The following ZIC5 variants were observed in gnomAD, a reference collection of about 807,000 sequenced individuals.
ZIC5 encodes zinc finger protein ZIC 5.
A neutral mutation model predicts 28.5 loss-of-function variants in ZIC5; 20 were observed. That is an observed-to-expected ratio of 0.70 (90% confidence interval 0.49 to 1.02). ZIC5 has a LOEUF of 1.02. Among genes scored for constraint, ZIC5 ranks in the 50% least tolerant of loss-of-function variants. The pLI, the probability that ZIC5 is intolerant of heterozygous loss-of-function variation, is 0.00. For synonymous variants in ZIC5, 488 were observed against 410.4 expected (o/e 1.19, Z -2.29); for missense variants, 951 against 899.7 (o/e 1.06, Z -0.73).
intron 1 of ZIC5, among the ~76,000 whole-genome samples, chr13:99,969,122 G>T (rs759640344): frequency 1.3e-5 from 2 of 152,236 alleles, no homozygotes; most frequent in Non-Finnish European, 1.5e-5. Flanking sequence ...GCTCAAAGGG[G>T]GCACACGACC....
intron 1 of ZIC5, among the ~76,000 whole-genome samples, chr13:99,968,603 C>A (rs1014900021): frequency 1.3e-5 from 2 of 152,072 alleles, no homozygotes; most frequent in Non-Finnish European, 2.9e-5. Context: ...CGGGAAGGGC[C>A]CTAGGCCGCG....
At position 99,971,398 on chromosome 13, in the gene ZIC5, G is replaced by C; in HGVS notation, c.206C>G (p.Pro69Arg). The change falls in exon 1 of 2, where the codon CCC (proline) becomes CGC (arginine). Residue 69 changes from proline (P) to arginine (R), a missense_variant. Coordinates refer to ENST00000267294, the MANE Select transcript of ZIC5 (RefSeq NM_033132.5). ...DPGVATTPLG[P>R]EHMAQASTLG... ...CGTGCTCGCCTGGGCCATGTGCTCG[G>C]GTCCGAGCGGAGTGGTGGCCACGCC... 1 of 1,518,290 alleles carries C rather than the reference G, an allele frequency of 6.6e-7. No individual in the cohort carries two copies. Among genetic ancestry groups the C allele is most frequent in the Non-Finnish European group, 8.8e-7 (1 of 1,138,786 alleles). 94.1% of individuals were successfully genotyped at this position (1,518,290 alleles called of 1,614,324 possible). A position where few individuals can be genotyped will look rare whatever the true frequency, so the allele number is the denominator to read the frequency against.
At chr13:99,969,654 A>G (rs1254567098) in intron 1 of ZIC5, among the ~76,000 whole-genome samples, 1 of 151,646 alleles carries the variant, frequency 6.6e-6, no homozygotes, top group Non-Finnish European at 1.5e-5. Flanking sequence ...CGGAGCGCGG[A>G]GACTGCGCGG....
upstream of ZIC5, chr13:99,971,857 C>T (rs1006888302): frequency 3.4e-5 from 25 of 738,142 alleles, no homozygotes; most frequent in Middle Eastern, 3.5e-4. Context: ...GCAGTAGCCT[C>T]GGCTGCTCGA....
Position 99,970,940 on chromosome 13 carries a change from C to A in ZIC5, c.664G>T (p.Gly222Cys), listed in dbSNP as rs1162020137. ...HSAGMFISAS[G>C]TYAGPDGSGG... ...CTGCCGTCCGGGCCCGCGTAGGTGC[C>A]GCTGGCGGAGATGAACATGCCGGCC... Residue 222 changes from glycine to cysteine, a missense_variant, in exon 1 of 2, where the codon GGC becomes TGC. Transcript: ENST00000267294. 7.2e-7 allele frequency: 1 copy of A among 1,392,874 alleles called. No individual in the cohort carries two copies. The highest frequency in any genetic ancestry group is 9.2e-7 in the Non-Finnish European group (1 of 1,084,544). 86.3% of individuals were successfully genotyped at this position (1,392,874 alleles called of 1,614,324 possible). A position where few individuals can be genotyped will look rare whatever the true frequency, so the allele number is the denominator to read the frequency against.
Position 99,965,830 on chromosome 13 carries a change from A to G in ZIC5, c.1478-11T>C, listed in dbSNP as rs763599238. On this transcript the variant is annotated splice_polypyrimidine_tract_variant and intron_variant, in intron 1 of 1. Coordinates refer to ENST00000267294, the MANE Select transcript of ZIC5 (RefSeq NM_033132.5). ...TGAAAGGCTTTTCCCCTGCAAGGAA[A>G]CACAGGAAAGGTCAACAATGGCTTT... 3 of 1,604,934 alleles carry G rather than the reference A, an allele frequency of 1.9e-6. No homozygotes were observed. The highest frequency in any genetic ancestry group is 1.1e-5 in the South Asian group (1 of 89,424).
upstream of ZIC5, chr13:99,971,908 C>T (rs1175041288): frequency 4.6e-5 from 26 of 569,074 alleles, no homozygotes; most frequent in East Asian, 8.0e-4. Flanking sequence ...GGGATTCGCC[C>T]CCGTGCTTGC....
chr13:99,967,823 G>A (rs2053111545), intron 1 of ZIC5, among the ~76,000 whole-genome samples: 1 of 152,232 alleles, frequency 6.6e-6, no homozygotes, highest in South Asian at 2.1e-4. Flanking sequence ...GGAAAGGCCT[G>A]TGTTGTTCAG....
upstream of ZIC5, chr13:99,971,897 G>A (rs2053164570): frequency 5.0e-6 from 3 of 597,592 alleles, no homozygotes; most frequent in Non-Finnish European, 5.7e-6. Context: ...TCGACCCAGC[G>A]GGGATTCGCC....
Position 99,965,004 on chromosome 13 carries a change from AT to A in ZIC5, c.*372del, listed in dbSNP as rs960066895. On this transcript the variant is annotated 3_prime_UTR_variant, in exon 2 of 2. Coordinates refer to ENST00000267294, the MANE Select transcript of ZIC5 (RefSeq NM_033132.5). Reference sequence around the variant, plus strand: ...TCTTTTTCTCCCCCTTTTAAAAAAAATAATATATATATATATGTATATATAT... The same window carrying A: ...TCTTTTTCTCCCCCTTTTAAAAAAAAAATATATATATATATGTATATATAT... 3.0e-5 allele frequency: 4 copies of A among 133,054 alleles called. No individual in the cohort carries two copies. The highest frequency in any genetic ancestry group is 1.5e-4 in the Admixed American group (2 of 13,398). The allele number at this position is 133,054 out of a possible 1,614,324, so 8.2% of individuals were successfully genotyped here. A position where few individuals can be genotyped will look rare whatever the true frequency, so the allele number is the denominator to read the frequency against.
In ZIC5 at chr13:99,970,447, GGCA is replaced by G. The variant is rs756859915; in HGVS notation, c.1154_1156del (p.Leu385del). On this transcript the variant is annotated inframe_deletion, in exon 1 of 2. Coordinates refer to ENST00000267294, the MANE Select transcript of ZIC5 (RefSeq NM_033132.5). ...CGGCGGCGGCGGCGGCGGCGGCGGCGGCAGCCCGGCCAGCTCGTCGGGGTCGAT... is the reference window on the plus strand; with the variant it reads ...CGGCGGCGGCGGCGGCGGCGGCGGCGGCCCGGCCAGCTCGTCGGGGTCGAT... The G allele has an allele frequency of 2.9e-6, 3 of 1,040,420 alleles. No individual in the cohort carries two copies. Among genetic ancestry groups the G allele is most frequent in the Admixed American group, 1.1e-4 (2 of 17,866 alleles). The allele number at this position is 1,040,420 out of a possible 1,614,324, so 64.4% of individuals were successfully genotyped here. A position where few individuals can be genotyped will look rare whatever the true frequency, so the allele number is the denominator to read the frequency against.
rs753052275 is a variant in ZIC5, at chr13:99,970,167, C to T, written c.1437G>A (p.Ala479=). 4 of 1,611,328 alleles carry T rather than the reference C, an allele frequency of 2.5e-6. No homozygotes were observed. The highest frequency in any genetic ancestry group is 3.4e-6 in the Non-Finnish European group (4 of 1,179,144). ...TGTGGATCTTGAGGTTCTCGGAGCG[C>T]GCGAAGACCTTGCCGCAGCCGGGGA... ...CPFPGCGKVF[A]RSENLKIHKR... Residue 479 remains alanine, a synonymous_variant, in exon 1 of 2, where the codon GCG becomes GCA. Transcript: ENST00000267294.
At position 99,970,660 on chromosome 13, in the gene ZIC5, G is replaced by T; in HGVS notation, c.944C>A (p.Ala315Glu). The part of the protein sequence containing the change: ...AVNLNLNLAA[A>E]AAAAAAGPGP... The stretch of plus-strand genomic sequence containing the variant: ...GGGCCCGGCCGCTGCTGCGGCCGCC[G>T]CAGCCGCCAGGTTCAGGTTTAAGTT... The change falls in exon 1 of 2, where the codon GCG becomes GAG. Residue 315 changes from alanine to glutamate, a missense_variant. Ala to Glu is a moderately radical substitution (Grantham distance 107). Coordinates refer to ENST00000267294, the MANE Select transcript of ZIC5 (RefSeq NM_033132.5). 2 of 1,148,666 alleles carry T rather than the reference G, an allele frequency of 1.7e-6. No individual in the cohort carries two copies. The highest frequency in any genetic ancestry group is 2.2e-6 in the Non-Finnish European group (2 of 927,946). 71.2% of individuals were successfully genotyped at this position (1,148,666 alleles called of 1,614,324 possible). A position where few individuals can be genotyped will look rare whatever the true frequency, so the allele number is the denominator to read the frequency against.
intron 1 of ZIC5, among the ~76,000 whole-genome samples, chr13:99,966,659 G>C (rs1225671554): frequency 6.6e-6 from 1 of 152,084 alleles, no homozygotes; most frequent in Non-Finnish European, 1.5e-5. Flanking sequence ...TACTCTCACA[G>C]CTCCCTACAT....
Position 99,970,785 on chromosome 13 carries a change from G to A in ZIC5, c.819C>T (p.Tyr273=). The A allele has an allele frequency of 1.7e-6, 2 of 1,193,068 alleles. No individual in the cohort carries two copies. Among genetic ancestry groups the A allele is most frequent in the East Asian group, 4.0e-5 (1 of 25,306 alleles). The allele number at this position is 1,193,068 out of a possible 1,614,324, so 73.9% of individuals were successfully genotyped here. The part of the protein sequence containing the change: ...AAAAAAAAEL[Y]GRAEPPFAPR... ...GCGCGAAGGGCGGTTCGGCGCGGCCGTACAGCTCAGCCGCCGCGGCTGCCG... is the reference window on the plus strand; with the variant it reads ...GCGCGAAGGGCGGTTCGGCGCGGCCATACAGCTCAGCCGCCGCGGCTGCCG... The change falls in exon 1 of 2, where the codon TAC becomes TAT. Residue 273 remains tyrosine, a synonymous_variant. Transcript: ENST00000267294.
At position 99,970,020 on chromosome 13, in the gene ZIC5, G is replaced by A. The variant is rs2053135231; in HGVS notation, c.1477+107C>T. 1.2e-5 allele frequency: 19 copies of A among 1,540,246 alleles called. 1 individual carries two copies. In the South Asian group the frequency reaches 2.1e-4, roughly 17 times the overall value. On this transcript the variant is annotated intron_variant, in intron 1 of 1. Coordinates refer to ENST00000267294, the MANE Select transcript of ZIC5 (RefSeq NM_033132.5). ...TATGCGAAGAGAAGCAGCAGAAGGA[G>A]AAAAAAATTAAGGCGAGCAGGAGGA...
At chr13:99,968,451 G>C (rs1246883335) in intron 1 of ZIC5, among the ~76,000 whole-genome samples, 1 of 151,974 alleles carries the variant, frequency 6.6e-6, no homozygotes, top group African/African-American at 2.4e-5. Context: ...CCGACCCCAC[G>C]CACGCGCGCG....
chr13:99,971,050 G>C lies in ZIC5; in HGVS notation c.554C>G (p.Ala185Gly). ...LRRDLSATAPAAAMHGAPLGG... is the reference protein window; with the variant it reads ...LRRDLSATAPGAAMHGAPLGG... ...GAGCGGGGCCCCGTGCATGGCCGCC[G>C]CGGGGGCCGTGGCGGAAAGGTCCCT... The change falls in exon 1 of 2, where the codon GCG (alanine) becomes GGG (glycine). Residue 185 changes from alanine (A) to glycine (G), a missense_variant. Physicochemically the swap from Ala to Gly is moderately conservative, Grantham distance 60. Coordinates refer to ENST00000267294, the MANE Select transcript of ZIC5 (RefSeq NM_033132.5). The C allele has an allele frequency of 7.0e-7, 1 of 1,425,460 alleles. No individual in the cohort carries two copies. The highest frequency in any genetic ancestry group is 9.1e-7 in the Non-Finnish European group (1 of 1,101,788). The allele number at this position is 1,425,460 out of a possible 1,614,324, so 88.3% of individuals were successfully genotyped here.
chr13:99,971,011 C>A lies in ZIC5; in HGVS notation c.593G>T (p.Arg198Leu), dbSNP rs2053152102. Residue 198 changes from arginine (R) to leucine (L), a missense_variant, in exon 1 of 2, where the codon CGG becomes CTG. By Grantham distance (102) the Arg-to-Leu change is moderately radical. Transcript: ENST00000267294. Reference protein sequence around the residue: ...MHGAPLGGEQRSGTGSPQHPA... With the variant: ...MHGAPLGGEQLSGTGSPQHPA... ...GTGCTGGGGGGAGCCGGTGCCGGAC[C>A]GCTGCTCCCCTCCGAGCGGGGCCCC... 2 of 1,412,266 alleles carry A rather than the reference C, an allele frequency of 1.4e-6. No homozygotes were observed. Among genetic ancestry groups the A allele is most frequent in the Non-Finnish European group, 1.8e-6 (2 of 1,096,134 alleles). The allele number at this position is 1,412,266 out of a possible 1,614,324, so 87.5% of individuals were successfully genotyped here. A position where few individuals can be genotyped will look rare whatever the true frequency, so the allele number is the denominator to read the frequency against.
Sources: gnomAD v4.1 joint callset for allele counts (sites outside exome capture counted in the v4.1 genomes callset) on GRCh38, gnomAD v4.1.1 for gene constraint, MANE v1.5 for transcripts, NCBI Gene and HGNC (gene_info 2026-07-23, HGNC 2026-07-21) for gene names.